TFAP2B: variants seen among roughly 807,000 people sequenced by gnomAD.
TFAP2B encodes transcription factor AP-2 beta, also known as transcription factor AP-2-beta.
TFAP2B carries 9 observed loss-of-function variants against 44.3 expected under a neutral mutation model. The observed-to-expected ratio is 0.20, with a 90% CI of 0.12 to 0.35. The LOEUF (loss-of-function observed/expected upper bound fraction) is 0.35. TFAP2B is among the 10% of genes least tolerant of loss of function. The probability of loss-of-function intolerance (pLI) is 1.00; values close to 1 mark genes in which losing one functional copy is unlikely to be tolerated. For synonymous variants in TFAP2B, 270 were observed against 263.8 expected, an observed-to-expected ratio of 1.02 and a Z score of -0.23; for missense variants, 509 against 600.0, an observed-to-expected ratio of 0.85 and a Z score of 1.59.
chr6:50,823,371 C>A (rs760970698), intron 1 of TFAP2B, 36 bp from the exon 2 acceptor site: 3 of 1,523,826 alleles, frequency 2.0e-6, no homozygotes, highest in Middle Eastern at 4.0e-4. Context: ...CTGTCTCCTT[C>A]TCTGGCTCTC....
intron 2 of TFAP2B, among the ~76,000 whole-genome samples, chr6:50,825,951 A>G (rs1770491847): frequency 6.6e-6 from 1 of 152,006 alleles, no homozygotes; most frequent in African/African-American, 2.4e-5. Context: ...GTGATGACAG[A>G]CCTCCCAAGG....
chr6:50,821,375 C>T (rs1469429010), intron 1 of TFAP2B, among the ~76,000 whole-genome samples: 3 of 152,200 alleles, frequency 2.0e-5, no homozygotes, highest in South Asian at 4.1e-4. Context: ...GCCTTTCTCT[C>T]GCCTCCAAAT....
At chr6:50,826,369 T>A (rs935106563) in intron 2 of TFAP2B, among the ~76,000 whole-genome samples, 4 of 152,104 alleles carry the variant, frequency 2.6e-5, no homozygotes, top group African/African-American at 9.7e-5. Flanking sequence ...GTGACCCAGA[T>A]GCACCACACT....
At chr6:50,832,932 C>G (rs1308739809) in intron 3 of TFAP2B, among the ~76,000 whole-genome samples, 1 of 152,086 alleles carries the variant, frequency 6.6e-6, no homozygotes, top group Non-Finnish European at 1.5e-5. Flanking sequence ...TTCTCCCCAG[C>G]ATAATGCAGC....
At position 50,836,018 on chromosome 6, in the gene TFAP2B, C is replaced by A. The variant is rs762104453; in HGVS notation, c.602-43C>A. The A allele has an allele frequency of 2.7e-5, 41 of 1,496,366 alleles. 1 individual carries two copies. The highest frequency in any genetic ancestry group is 1.1e-4 in the East Asian group (5 of 44,278). The allele number at this position is 1,496,366 out of a possible 1,614,324, so 92.7% of individuals were successfully genotyped here. Reference sequence around the variant, plus strand: ...CATTCTATCAGCCGGTCATCAGGATCGAAACTTGGTCACCTTTATGGCAAT... The same window carrying A: ...CATTCTATCAGCCGGTCATCAGGATAGAAACTTGGTCACCTTTATGGCAAT... On this transcript the variant is annotated intron_variant, in intron 3 of 6. Coordinates refer to ENST00000393655, the MANE Select transcript of TFAP2B (RefSeq NM_003221.4).
chr6:50,818,735 C>G (rs756014463), upstream of TFAP2B: 1 of 651,144 alleles, frequency 1.5e-6, no homozygotes, highest in Non-Finnish European at 2.7e-6. Flanking sequence ...TTTCTCTTTG[C>G]TGAGGCTTAC....
At chr6:50,825,860 G>C (rs1330747735) in intron 2 of TFAP2B, among the ~76,000 whole-genome samples, 1 of 152,088 alleles carries the variant, frequency 6.6e-6, no homozygotes, top group African/African-American at 2.4e-5. Flanking sequence ...TTCTTGGGAC[G>C]ACCCCTATAG....
At chr6:50,822,117 C>T (rs778837342) in intron 1 of TFAP2B, 6 of 1,303,076 alleles carry the variant, frequency 4.6e-6, no homozygotes, top group Middle Eastern at 2.1e-4. Context: ...GAGCAGTAAC[C>T]AGGCTTTTTT....
At chr6:50,838,137 C>G in intron 5 of TFAP2B, 44 bp downstream of exon 5, 2 of 1,425,292 alleles carry the variant, frequency 1.4e-6, no homozygotes, top group Non-Finnish European at 2.0e-6. Flanking sequence ...CTGAGCTTAA[C>G]TGTCGGCTGG....
At chr6:50,843,066 T>C in intron 6 of TFAP2B, 26 bp from the exon 7 acceptor site, 1 of 1,614,146 alleles carries the variant, frequency 6.2e-7, no homozygotes, top group African/African-American at 1.3e-5. Context: ...AGGGTGATTT[T>C]CTGTGCCTCG....
rs115772449 is a variant in TFAP2B, at chr6:50,839,923, G to A, written c.941-233G>A. ...CCCGTAGCTATTCAGGGGATGTCTA[G>A]CTAGGAGTTGGCTCAGGGAGAGGCA... On this transcript the variant is annotated intron_variant, in intron 5 of 6. Transcript: ENST00000393655. 6.8e-3 allele frequency among the ~76,000 whole-genome samples: 1,036 copies of A among 152,288 alleles called. 14 individuals carry two copies. The highest frequency in any genetic ancestry group is 0.024 in the African/African-American group (981 of 41,560).
At chr6:50,831,522 A>C (rs1408097837) in intron 3 of TFAP2B, among the ~76,000 whole-genome samples, 1 of 152,168 alleles carries the variant, frequency 6.6e-6, no homozygotes, top group East Asian at 1.9e-4. Flanking sequence ...GAGGGTGGTT[A>C]ATACGATTTG....
rs1193839204 is a variant in TFAP2B at position 50,823,469 on chromosome 6, A to T, written c.144A>T (p.Gln48His). 1 of 1,611,852 alleles carries T rather than the reference A, an allele frequency of 6.2e-7. No individual in the cohort carries two copies. Among genetic ancestry groups the T allele is most frequent in the African/African-American group, 1.3e-5 (1 of 74,820 alleles). Residue 48 changes from glutamine to histidine, a missense_variant, in exon 2 of 7, where the codon CAA (glutamine) becomes CAT (histidine). Around this residue, in one of 3 missense-constraint regions of TFAP2B, gnomAD observed 296 missense variants for 308.2 expected, o/e 0.96. Transcript: ENST00000393655. ...SRLSQLGSVSQGPYSSAPPLS... is the reference protein window; with the variant it reads ...SRLSQLGSVSHGPYSSAPPLS... ...TCTCCCAGCTGGGCTCGGTGTCCCA[A>T]GGACCCTACTCGAGCGCCCCGCCGC...
rs368226832 is a variant in TFAP2B, at chr6:50,823,871, CACAAACAA to C, written c.540+24_540+31del. The C allele has an allele frequency of 9.3e-5, 143 of 1,537,944 alleles. 1 individual carries two copies. In the Admixed American group the frequency reaches 2.3e-3, roughly 25 times the overall value. On this transcript the variant is annotated splice_region_variant and intron_variant, in intron 2 of 6. Coordinates refer to ENST00000393655, the MANE Select transcript of TFAP2B (RefSeq NM_003221.4). ...CCGGAATGGAAGACGTCCAGGTAAC[CACAAACAA>C]ACAAACAAACAAACAAAAAAGACCA...
At chr6:50,828,101 G>T (rs1425553209) in intron 2 of TFAP2B, among the ~76,000 whole-genome samples, 1 of 152,212 alleles carries the variant, frequency 6.6e-6, no homozygotes, top group African/African-American at 2.4e-5. Flanking sequence ...TGTAATGGGT[G>T]TGCAGTCCTA....
intron 6 of TFAP2B, among the ~76,000 whole-genome samples, chr6:50,841,814 G>T (rs923926279): frequency 6.6e-6 from 1 of 152,200 alleles, no homozygotes; most frequent in African/African-American, 2.4e-5. Flanking sequence ...TCCTGGTTGT[G>T]AGGATGTATG....
At chr6:50,830,678 A>G (rs1449493979) in intron 3 of TFAP2B, among the ~76,000 whole-genome samples, 1 of 152,176 alleles carries the variant, frequency 6.6e-6, no homozygotes, top group African/African-American at 2.4e-5. Flanking sequence ...AAAAGATCCT[A>G]TGTCTTTTTT....
Position 50,843,122 on chromosome 6 carries a change from G to T in TFAP2B, c.1113G>T (p.Leu371=), listed in dbSNP as rs776479837. ...TTTGTAAAGAATTTACGGATCTACT[G>T]GCGCAGGACCGGACACCGATAGGGA... is the stretch of plus-strand genomic sequence containing the variant. ...KQLCKEFTDL[L]AQDRTPIGNS... Residue 371 remains leucine, a synonymous_variant, in exon 7 of 7, where the codon CTG becomes CTT. Coordinates refer to ENST00000393655, the MANE Select transcript of TFAP2B (RefSeq NM_003221.4). 3 of 1,614,258 alleles carry T rather than the reference G, an allele frequency of 1.9e-6. No individual in the cohort carries two copies. The highest frequency in any genetic ancestry group is 2.5e-6 in the Non-Finnish European group (3 of 1,180,046).
chr6:50,825,208 G>T (rs190360590), intron 2 of TFAP2B, among the ~76,000 whole-genome samples: 56 of 152,126 alleles, frequency 3.7e-4, no homozygotes, highest in African/African-American at 1.0e-3. Context: ...AGTGATGATG[G>T]TTTTGTTGAT....
Sources: gnomAD v4.1 joint callset for allele counts (sites outside exome capture counted in the v4.1 genomes callset) on GRCh38, gnomAD v4.1.1 for gene constraint, gnomAD v4.1.1 regional missense constraint, MANE v1.5 for transcripts, NCBI Gene and HGNC (gene_info 2026-07-23, HGNC 2026-07-21) for gene names.